Variants in PEX5L observed in about 807,000 individuals in gnomAD.
The protein encoded by PEX5L is peroxisomal biogenesis factor 5 like.
A neutral mutation model predicts 84.0 loss-of-function variants in PEX5L; 30 were observed. That is an observed-to-expected ratio of 0.36 (90% confidence interval 0.27 to 0.48). The LOEUF is 0.48. Among genes scored for constraint, PEX5L ranks in the 20% least tolerant of loss-of-function variants. PEX5L has a pLI of 0.99. For missense variants in PEX5L, 533 were observed against 754.6 expected (o/e 0.71, Z 3.44); for synonymous variants, 270 against 283.1 (o/e 0.95, Z 0.46).
At chr3:179,924,524 A>G (rs1484516175) in intron 2 of PEX5L, among the ~76,000 whole-genome samples, 1 of 152,234 alleles carries the variant, frequency 6.6e-6, no homozygotes, top group East Asian at 1.9e-4. Context: ...AAGAAGAGAG[A>G]CAAGCTGTCT....
At chr3:180,017,296 C>T (rs1790029036) in intron 1 of PEX5L, among the ~76,000 whole-genome samples, 1 of 152,128 alleles carries the variant, frequency 6.6e-6, no homozygotes, top group Admixed American at 6.5e-5. Flanking sequence ...GGGACATTTT[C>T]CTCACATAAC....
chr3:179,895,557 A>T (rs1484352336), intron 3 of PEX5L: 4 of 152,162 alleles, frequency 2.6e-5, no homozygotes. Flanking sequence ...TAAGCAAAAA[A>T]CAGCAGCTGT....
At chr3:179,807,909 A>G in intron 13 of PEX5L, 78 bp from the exon 14 acceptor site, 1 of 1,352,820 alleles carries the variant, frequency 7.4e-7, no homozygotes, top group South Asian at 1.4e-5. Context: ...CTCTGCAGAG[A>G]AAGGAAGATG....
chr3:179,847,953 G>T (rs1740245742), intron 8 of PEX5L, among the ~76,000 whole-genome samples: 1 of 150,088 alleles, frequency 6.7e-6, no homozygotes, highest in South Asian at 2.1e-4. Flanking sequence ...CTGCCTTGGT[G>T]TTCCAACGTT....
intron 8 of PEX5L, among the ~76,000 whole-genome samples, chr3:179,850,665 A>G (rs1741474506): frequency 6.6e-6 from 1 of 152,244 alleles, no homozygotes; most frequent in African/African-American, 2.4e-5. Context: ...ATGACAAACC[A>G]ATCTTTAGGA....
At chr3:180,021,538 G>T (rs1159184855) in intron 1 of PEX5L, among the ~76,000 whole-genome samples, 1 of 152,190 alleles carries the variant, frequency 6.6e-6, no homozygotes, top group Non-Finnish European at 1.5e-5. Context: ...TATAGATGAT[G>T]CTTAACATGA....
chr3:179,889,672 C>T (rs1024276554), intron 3 of PEX5L, among the ~76,000 whole-genome samples: 5 of 152,114 alleles, frequency 3.3e-5, no homozygotes, highest in Non-Finnish European at 5.9e-5. Context: ...TTTTAGGATG[C>T]TGCTTTGACT....
chr3:179,908,563 C>A (rs981178801), intron 2 of PEX5L, among the ~76,000 whole-genome samples: 3 of 152,026 alleles, frequency 2.0e-5, no homozygotes, highest in Non-Finnish European at 2.9e-5. Context: ...TGGTGTGCTG[C>A]ACCCCTTAAC....
intron 2 of PEX5L, among the ~76,000 whole-genome samples, chr3:179,917,347 T>A (rs4855124): frequency 0.9 from 135,790 of 151,498 alleles, 60,916 homozygotes; most frequent in South Asian, 0.96. Flanking sequence ...TTTTTTTTTT[T>A]AAAATAAGCT....
chr3:180,018,762 G>C (rs1324073827), intron 1 of PEX5L, among the ~76,000 whole-genome samples: 5 of 152,158 alleles, frequency 3.3e-5, no homozygotes, highest in African/African-American at 9.7e-5. Flanking sequence ...TTTCACCCAG[G>C]CCTGCCTGTC....
chr3:179,889,692 A>G (rs972451652), intron 3 of PEX5L, among the ~76,000 whole-genome samples: 1 of 152,156 alleles, frequency 6.6e-6, no homozygotes, highest in African/African-American at 2.4e-5. Context: ...TCATGAGTGA[A>G]ACTCTGAGCC....
chr3:179,839,838 T>C (rs1577449283), intron 8 of PEX5L, among the ~76,000 whole-genome samples: 1 of 152,220 alleles, frequency 6.6e-6, no homozygotes, highest in East Asian at 1.9e-4. Context: ...TAAATAATTG[T>C]TAGAATAATT....
At chr3:179,805,426 G>T (rs980447593) in intron 14 of PEX5L, among the ~76,000 whole-genome samples, 1 of 151,950 alleles carries the variant, frequency 6.6e-6, no homozygotes, top group Non-Finnish European at 1.5e-5. Flanking sequence ...GTATAAAATA[G>T]CATAATATTT....
At position 180,032,979 on chromosome 3, in the gene PEX5L, T is replaced by C. The variant is rs567326017; in HGVS notation, c.21+3600A>G. On this transcript the variant is annotated intron_variant, in intron 1 of 14. Transcript: ENST00000467460. Reference sequence around the variant, plus strand: ...GCCTCAATTATGATAACCTACTGTTTAGGGTATTGAAAACAACGTTCTACA... The same window carrying C: ...GCCTCAATTATGATAACCTACTGTTCAGGGTATTGAAAACAACGTTCTACA... Among the ~76,000 whole-genome samples the C allele has an allele frequency of 5.9e-5, 9 of 152,346 alleles. No homozygotes were observed. The East Asian group carries it at 1.7e-3, about 29-fold the overall frequency.
At chr3:179,863,768 G>A (rs1038648367) in intron 7 of PEX5L, among the ~76,000 whole-genome samples, 9 of 152,220 alleles carry the variant, frequency 5.9e-5, no homozygotes, top group African/African-American at 1.4e-4. Context: ...AAAACAGGAC[G>A]AGGGTCCTCA....
At chr3:179,862,404 ACCTTTTAGGAT>A (rs1746535701) in intron 7 of PEX5L, among the ~76,000 whole-genome samples, 1 of 152,204 alleles carries the variant, frequency 6.6e-6, no homozygotes, top group Non-Finnish European at 1.5e-5. Context: ...ACAGTTCACA[ACCTTTTAGGAT>A]TAAGTCGTTA....
rs757039245 is a variant in PEX5L, at chr3:179,808,567, T to G, written c.1353-130A>C. On this transcript the variant is annotated intron_variant, in intron 12 of 14. Coordinates refer to ENST00000467460, the MANE Select transcript of PEX5L (RefSeq NM_016559.3). ...ACTGGAAAATTTTGCTTAAAATACC[T>G]TAACTCAATGAGAGGACTATTAATG... The G allele has an allele frequency of 7.1e-6, 4 of 565,152 alleles. No homozygotes were observed. In the East Asian group the frequency reaches 1.2e-4, roughly 17 times the overall value. 35.0% of individuals were successfully genotyped at this position (565,152 alleles called of 1,614,324 possible).
At chr3:179,958,509 G>C (rs1781175669) in intron 2 of PEX5L, among the ~76,000 whole-genome samples, 1 of 152,198 alleles carries the variant, frequency 6.6e-6, no homozygotes, top group African/African-American at 2.4e-5. Flanking sequence ...CATACTAAAT[G>C]CTGTGTAAGT....
chr3:179,882,633 T>C (rs775673133), intron 4 of PEX5L, among the ~76,000 whole-genome samples: 2 of 152,236 alleles, frequency 1.3e-5, no homozygotes, highest in Non-Finnish European at 2.9e-5. Context: ...AGCATGTGTG[T>C]GTCCTTTAGC....
Sources: allele counts gnomAD v4.1 joint callset (sites outside exome capture counted in the v4.1 genomes callset), GRCh38; gene constraint gnomAD v4.1.1; transcripts MANE v1.5; gene names NCBI Gene and HGNC (gene_info 2026-07-23, HGNC 2026-07-21).